The following CHST15 variants were observed in gnomAD, a reference collection of about 807,000 sequenced individuals.
CHST15 encodes the protein B cell RAG associated protein (GALNAC4S-6ST).
A neutral mutation model predicts 53.6 loss-of-function variants in CHST15; 30 were observed. That is an observed-to-expected ratio of 0.56 (90% CI 0.42 to 0.76). CHST15 has a LOEUF of 0.76. Among genes scored for constraint, CHST15 ranks in the 30% least tolerant of loss-of-function variants. The pLI, the probability that CHST15 is intolerant of heterozygous loss-of-function variation, is 0.00. For missense variants in CHST15, 627 were observed against 740.5 expected, an observed-to-expected ratio of 0.85 and a Z score of 1.78; for synonymous variants, 296 against 289.8, an observed-to-expected ratio of 1.02 and a Z score of -0.22.
chr10:124,064,974 C>A (rs889743364), intron 1 of CHST15, among the ~76,000 whole-genome samples: 1 of 152,082 alleles, frequency 6.6e-6, no homozygotes, highest in Non-Finnish European at 1.5e-5. Context: ...TTCTTTTGTT[C>A]GCTTTTACAA....
At chr10:124,055,756 C>A (rs1412094087) in intron 1 of CHST15, among the ~76,000 whole-genome samples, 1 of 152,108 alleles carries the variant, frequency 6.6e-6, no homozygotes, top group Non-Finnish European at 1.5e-5. Flanking sequence ...CAGTGCTCAA[C>A]AACAAGGGCC....
chr10:124,056,226 C>T (rs964738707), intron 1 of CHST15, among the ~76,000 whole-genome samples: 11 of 152,294 alleles, frequency 7.2e-5, no homozygotes, highest in Non-Finnish European at 1.5e-4. Context: ...TGCCCTTCCC[C>T]CTTCCAATCT....
intron 1 of CHST15, among the ~76,000 whole-genome samples, chr10:124,049,336 C>T (rs933279647): frequency 1.3e-5 from 2 of 152,184 alleles, no homozygotes; most frequent in Non-Finnish European, 1.5e-5. Flanking sequence ...TTTCGTCATT[C>T]ATGACAAGCC....
At chr10:124,061,506 C>T (rs984675931) in intron 1 of CHST15, among the ~76,000 whole-genome samples, 16 of 152,158 alleles carry the variant, frequency 1.1e-4, no homozygotes, top group African/African-American at 3.9e-4. Context: ...GTCTTGGGCA[C>T]GTCTTTATCA....
intron 1 of CHST15, among the ~76,000 whole-genome samples, chr10:124,051,452 T>A (rs1269139480): frequency 2.6e-5 from 4 of 152,188 alleles, no homozygotes; most frequent in Non-Finnish European, 5.9e-5. Flanking sequence ...TTCAGAAACC[T>A]AACACTCAAG....
chr10:124,048,407 C>T (rs1041790081), intron 1 of CHST15, among the ~76,000 whole-genome samples: 2 of 152,142 alleles, frequency 1.3e-5, no homozygotes, highest in Non-Finnish European at 2.9e-5. Context: ...CCTGCAGAGG[C>T]GCTGGGGCGG....
intron 6 of CHST15, among the ~76,000 whole-genome samples, chr10:124,014,369 A>G (rs542674926): frequency 6.6e-6 from 1 of 152,322 alleles, no homozygotes; most frequent in South Asian, 2.1e-4. Flanking sequence ...CCATTTCATT[A>G]TTTTTCTAAC....
At chr10:124,063,604 T>C (rs995383540) in intron 1 of CHST15, among the ~76,000 whole-genome samples, 16 of 152,092 alleles carry the variant, frequency 1.1e-4, no homozygotes, top group East Asian at 1.9e-4. Flanking sequence ...TTTTCTCTTT[T>C]CCATTAGAGA....
At chr10:124,067,028 C>T (rs1203241520) in intron 1 of CHST15, among the ~76,000 whole-genome samples, 2 of 152,266 alleles carry the variant, frequency 1.3e-5, no homozygotes, top group Non-Finnish European at 2.9e-5. Context: ...TAACTGGCTG[C>T]ACTTAGCACT....
Position 124,046,489 on chromosome 10 carries a change from G to T in CHST15, c.-277C>A, listed in dbSNP as rs560963878. The T allele has an allele frequency of 5.8e-6, 2 of 342,784 alleles. No homozygotes were observed. The highest frequency in any genetic ancestry group is 1.9e-4 in the South Asian group (2 of 10,476). 21.2% of individuals were successfully genotyped at this position (342,784 alleles called of 1,614,324 possible). Reference sequence around the variant, plus strand: ...AACCTCAGAGAAGGTCACAAGTTCGGGAGCAGCTCTGCCTGCCCTTCAGGT... The same window carrying T: ...AACCTCAGAGAAGGTCACAAGTTCGTGAGCAGCTCTGCCTGCCCTTCAGGT... On this transcript the variant is annotated 5_prime_UTR_variant, in exon 2 of 8. Transcript: ENST00000435907.
chr10:124,035,536 CCCCCTAACAGGGACCCTGGTTCCA>C (rs1947463452), intron 5 of CHST15, among the ~76,000 whole-genome samples: 1 of 149,556 alleles, frequency 6.7e-6, no homozygotes, highest in Admixed American at 6.6e-5. Context: ...CCTGGCTCCG[CCCCCTAACAGGGACCCTGGTTCCA>C]CCCCTAACAG....
intron 1 of CHST15, among the ~76,000 whole-genome samples, chr10:124,047,672 A>G (rs1322559462): frequency 6.6e-6 from 1 of 152,228 alleles, no homozygotes; most frequent in Non-Finnish European, 1.5e-5. Flanking sequence ...AAATTAGGAT[A>G]ATAAGGACAC....
At chr10:124,052,885 T>C (rs936578923) in intron 1 of CHST15, among the ~76,000 whole-genome samples, 3 of 151,870 alleles carry the variant, frequency 2.0e-5, no homozygotes, top group Non-Finnish European at 4.4e-5. Flanking sequence ...AATAAAAAAT[T>C]TGTCAGGATT....
chr10:124,021,313 C>T lies in CHST15; in HGVS notation c.1290G>A (p.Met430Ile). 6.2e-7 allele frequency: 1 copy of T among 1,613,188 alleles called. No homozygotes were observed. The highest frequency in any genetic ancestry group is 1.1e-5 in the South Asian group (1 of 91,066). ...TEALQLFENCMLDYSLRACVY... is the reference protein window; with the variant it reads ...TEALQLFENCILDYSLRACVY... ...CGCAGGCGCGCAGTGAATAATCAAG[C>T]ATGCAATTTTCAAACAGCTGCAGTG... Residue 430 changes from methionine to isoleucine, a missense_variant, in exon 6 of 8, where the codon ATG (methionine) becomes ATA (isoleucine). By Grantham distance (10) the Met-to-Ile change is conservative (BLOSUM62 1). Transcript: ENST00000435907.
chr10:124,009,270 AAATT>A lies in CHST15; in HGVS notation c.*875_*878del. 9.2e-7 allele frequency: 1 copy of A among 1,086,838 alleles called. No individual in the cohort carries two copies. The highest frequency in any genetic ancestry group is 1.1e-6 in the Non-Finnish European group (1 of 884,656). 67.3% of individuals were successfully genotyped at this position (1,086,838 alleles called of 1,614,324 possible). A position where few individuals can be genotyped will look rare whatever the true frequency, so the allele number is the denominator to read the frequency against. ...TTGCTCATTCTGGCATTAACAGCAAAAATTTCTCTTCCAATTATAAACTGAAGTT... is the reference window on the plus strand; with the variant it reads ...TTGCTCATTCTGGCATTAACAGCAAATCTCTTCCAATTATAAACTGAAGTT... On this transcript the variant is annotated 3_prime_UTR_variant, in exon 8 of 8. Transcript: ENST00000435907.
chr10:124,078,874 T>G (rs1448124043), intron 1 of CHST15, among the ~76,000 whole-genome samples: 3 of 152,248 alleles, frequency 2.0e-5, no homozygotes, highest in Non-Finnish European at 4.4e-5. Context: ...ATGTTCTCCC[T>G]GTGGGAAGCT....
At chr10:124,042,215 G>A (rs1947765390) in intron 4 of CHST15, 86 bp downstream of exon 4, 10 of 1,388,078 alleles carry the variant, frequency 7.2e-6, no homozygotes, top group Non-Finnish European at 7.9e-6. Context: ...TGTTCTGGAG[G>A]TGAAGCAGAG....
At chr10:124,093,391 G>A (rs1949669159) in intron 1 of CHST15, 78 bp downstream of exon 1, 2 of 152,636 alleles carry the variant, frequency 1.3e-5, no homozygotes, top group South Asian at 3.6e-4. Flanking sequence ...AGGGGCGCCG[G>A]AGCCCCGAGC....
intron 1 of CHST15, among the ~76,000 whole-genome samples, chr10:124,052,925 C>T (rs1453824318): frequency 6.6e-6 from 1 of 152,028 alleles, no homozygotes; most frequent in Admixed American, 6.5e-5. Flanking sequence ...CCACACTACT[C>T]AGGAGGCTGA....
Sources: gnomAD v4.1 joint callset for allele counts (sites outside exome capture counted in the v4.1 genomes callset) on GRCh38, gnomAD v4.1.1 for gene constraint, MANE v1.5 for transcripts, NCBI Gene and HGNC (gene_info 2026-07-23, HGNC 2026-07-21) for gene names.